SNTG1: variants seen among roughly 807,000 people sequenced by gnomAD.
The protein encoded by SNTG1 is gamma-1-syntrophin.
Under a neutral mutation model 74.7 loss-of-function variants are expected in SNTG1, and 39 were observed. That is an observed-to-expected ratio of 0.52 (90% CI 0.40 to 0.68). The LOEUF is 0.68. SNTG1 is among the 30% of genes least tolerant of loss of function. The pLI is 0.00. For synonymous variants in SNTG1, 254 were observed against 217.1 expected (o/e 1.17, Z -1.49); for missense variants, 685 against 609.5 (o/e 1.12, Z -1.30).
At chr8:50,432,575 T>G (rs2093250182) in intron 4 of SNTG1, among the ~76,000 whole-genome samples, 1 of 152,108 alleles carries the variant, frequency 6.6e-6, no homozygotes, top group African/African-American at 2.4e-5. Context: ...TTTATTGGAA[T>G]TGCATAGATT....
intron 1 of SNTG1, among the ~76,000 whole-genome samples, chr8:50,149,623 T>G (rs532880352): frequency 1.3e-5 from 2 of 152,352 alleles, no homozygotes; most frequent in Non-Finnish European, 2.9e-5. Context: ...TAGCCAGTTT[T>G]CCCAGCACCA....
chr8:50,045,894 T>A (rs776179853), intron 1 of SNTG1, among the ~76,000 whole-genome samples: 2 of 152,150 alleles, frequency 1.3e-5, no homozygotes, highest in Non-Finnish European at 2.9e-5. Flanking sequence ...CCACCAAAGC[T>A]CTAAGAACTT....
intron 1 of SNTG1, among the ~76,000 whole-genome samples, chr8:49,972,746 C>T (rs551172489): frequency 3.2e-4 from 48 of 152,014 alleles, no homozygotes; most frequent in Non-Finnish European, 5.3e-4. Flanking sequence ...TCTATGCAGC[C>T]AAAATACAGT....
At chr8:50,654,677 A>G (rs2095169548) in intron 13 of SNTG1, among the ~76,000 whole-genome samples, 1 of 152,150 alleles carries the variant, frequency 6.6e-6, no homozygotes, top group African/African-American at 2.4e-5. Flanking sequence ...AAATATATTG[A>G]CATAAGTAAT....
chr8:50,444,439 A>G (rs2093386700), intron 5 of SNTG1, among the ~76,000 whole-genome samples: 1 of 152,096 alleles, frequency 6.6e-6, no homozygotes. Context: ...CAAAATGAAT[A>G]TGTCCATTTC....
At chr8:50,652,571 T>A (rs1189434723) in intron 13 of SNTG1, among the ~76,000 whole-genome samples, 1 of 152,092 alleles carries the variant, frequency 6.6e-6, no homozygotes, top group South Asian at 2.1e-4. Context: ...CAAAGGAGGA[T>A]GGATCATTTG....
intron 2 of SNTG1, among the ~76,000 whole-genome samples, chr8:50,198,638 C>A (rs148423047): frequency 2.6e-4 from 40 of 152,226 alleles, no homozygotes; most frequent in African/African-American, 9.6e-4. Context: ...GCATCCATTT[C>A]TTTTTTAAAA....
intron 15 of SNTG1, among the ~76,000 whole-genome samples, chr8:50,694,697 C>G (rs948476580): frequency 6.6e-6 from 1 of 151,924 alleles, no homozygotes; most frequent in Non-Finnish European, 1.5e-5. Context: ...TACTAGCCAA[C>G]CAAATTCAAC....
chr8:50,632,859 G>C (rs1445283986), intron 13 of SNTG1, among the ~76,000 whole-genome samples: 1 of 152,126 alleles, frequency 6.6e-6, no homozygotes, highest in Admixed American at 6.5e-5. Flanking sequence ...TGTCAGCTGT[G>C]CCATAATTAA....
chr8:50,392,304 G>A (rs1216282939), intron 2 of SNTG1, among the ~76,000 whole-genome samples: 1 of 152,176 alleles, frequency 6.6e-6, no homozygotes, highest in African/African-American at 2.4e-5. Context: ...TAAACATTTA[G>A]ACAAGGTGTT....
intron 8 of SNTG1, among the ~76,000 whole-genome samples, chr8:50,462,623 C>T (rs945151764): frequency 2.0e-5 from 3 of 152,006 alleles, no homozygotes; most frequent in Admixed American, 6.6e-5. Flanking sequence ...ACTAAGTTTA[C>T]ATAATATTCT....
intron 15 of SNTG1, among the ~76,000 whole-genome samples, chr8:50,687,161 A>C (rs2095356219): frequency 6.6e-6 from 1 of 151,620 alleles, no homozygotes; most frequent in African/African-American, 2.4e-5. Context: ...AAATAAAATA[A>C]ACATGAAAAC....
In SNTG1 at chr8:50,539,367, G is replaced by A. The variant is rs371122495; in HGVS notation, c.680+2559G>A. ...TCTCTTTGTTGTGAGGACTGGGTGGGTGTATATGTTAAGTTTCCTACTGCA... is the reference window on the plus strand; with the variant it reads ...TCTCTTTGTTGTGAGGACTGGGTGGATGTATATGTTAAGTTTCCTACTGCA... On this transcript the variant is annotated intron_variant, in intron 11 of 18. Coordinates refer to ENST00000642720, the MANE Select transcript of SNTG1 (RefSeq NM_018967.5). Among the ~76,000 whole-genome samples, 6 of 152,218 alleles carry A rather than the reference G, an allele frequency of 3.9e-5. No homozygotes were observed. The South Asian group carries it at 1.0e-3, about 26-fold the overall frequency.
At chr8:50,704,436 C>A in intron 15 of SNTG1, 164 bp from the exon 16 acceptor site, 1 of 806,012 alleles carries the variant, frequency 1.2e-6, no homozygotes, top group Non-Finnish European at 2.1e-6. Flanking sequence ...TGTGTTGGGG[C>A]TTTGAAGCCC....
intron 1 of SNTG1, among the ~76,000 whole-genome samples, chr8:50,120,840 G>T (rs1176920610): frequency 7.0e-6 from 1 of 142,128 alleles, no homozygotes; most frequent in African/African-American, 2.5e-5. Flanking sequence ...AACTGGTAGA[G>T]AAATTATATG....
intron 1 of SNTG1, among the ~76,000 whole-genome samples, chr8:49,941,946 G>T (rs1260951693): frequency 6.6e-6 from 1 of 152,128 alleles, no homozygotes; most frequent in South Asian, 2.1e-4. Flanking sequence ...TTCGAGAAGT[G>T]TTCAGACATA....
At chr8:49,910,691 G>T (rs1805533345), upstream of SNTG1, among the ~76,000 whole-genome samples, 1 of 152,176 alleles carries the variant, frequency 6.6e-6, no homozygotes, top group African/African-American at 2.4e-5. Context: ...GCCCGGGAGA[G>T]CGCGGATTCC....
chr8:50,416,916 T>C (rs1034861497), intron 4 of SNTG1, among the ~76,000 whole-genome samples: 26 of 152,132 alleles, frequency 1.7e-4, no homozygotes, highest in Admixed American at 6.6e-4. Context: ...CCTGAGTGAC[T>C]GTGACGATGA....
chr8:50,402,852 G>T (rs2092824321), intron 4 of SNTG1, among the ~76,000 whole-genome samples: 1 of 152,096 alleles, frequency 6.6e-6, no homozygotes, highest in Admixed American at 6.5e-5. Flanking sequence ...ATGCCCAAGT[G>T]CTGTAGCAAA....
Sources: allele counts gnomAD v4.1 joint callset (sites outside exome capture counted in the v4.1 genomes callset), GRCh38; gene constraint gnomAD v4.1.1; transcripts MANE v1.5; gene names NCBI Gene and HGNC (gene_info 2026-07-23, HGNC 2026-07-21).